The following LMLN variants were observed in gnomAD, a reference collection of about 807,000 sequenced individuals.
The protein encoded by LMLN is leishmanolysin-like peptidase.
A neutral mutation model predicts 92.3 loss-of-function variants in LMLN; 70 were observed. The observed-to-expected ratio is 0.76, with a 90% CI of 0.63 to 0.92. The LOEUF (loss-of-function observed/expected upper bound fraction) is 0.92. LMLN is among the 40% of genes least tolerant of loss of function. The probability of loss-of-function intolerance (pLI) is 0.00; values close to 1 mark genes in which losing one functional copy is unlikely to be tolerated. For synonymous variants in LMLN, 308 were observed against 296.2 expected (o/e 1.04, Z -0.41); for missense variants, 691 against 814.6 (o/e 0.85, Z 1.85).
chr3:198,013,276 G>C (rs1306498888), intron 11 of LMLN, among the ~76,000 whole-genome samples: 6 of 74,320 alleles, frequency 8.1e-5, no homozygotes, highest in East Asian at 3.0e-4. Flanking sequence ...TGACTTCTCT[G>C]TACCCTTCAG....
intron 3 of LMLN, among the ~76,000 whole-genome samples, chr3:197,975,706 G>A (rs776072195): frequency 6.6e-6 from 1 of 152,140 alleles, no homozygotes; most frequent in Non-Finnish European, 1.5e-5. Context: ...TTTGTTAAAG[G>A]TGTAGTATCG....
intron 14 of LMLN, among the ~76,000 whole-genome samples, chr3:198,026,656 T>A (rs1722940573): frequency 1.3e-5 from 2 of 152,234 alleles, no homozygotes; most frequent in African/African-American, 4.8e-5. Context: ...CTTTGTTCTT[T>A]GTCTACCCCT....
At chr3:198,040,142 T>G (rs1723359312) in exon 16 of LMLN, 1 of 152,234 alleles carries the variant, frequency 6.6e-6, no homozygotes, top group Admixed American at 6.5e-5. Flanking sequence ...TGAAAATGGT[T>G]TTATGTTTAA....
intron 1 of LMLN, among the ~76,000 whole-genome samples, chr3:197,963,271 A>C (rs1207566517): frequency 6.6e-6 from 1 of 150,624 alleles, no homozygotes; most frequent in East Asian, 1.9e-4. Context: ...TGGCAGAATC[A>C]TAGCTCACAG....
At chr3:197,985,819 A>G (rs762738280) in exon 8 of LMLN, 7 of 1,613,582 alleles carry the variant, frequency 4.3e-6, no homozygotes, top group Non-Finnish European at 4.2e-6. Flanking sequence ...GGCTGTTTGC[A>G]TTCTACCATG....
At chr3:198,000,288 T>G (rs1164213669) in intron 11 of LMLN, among the ~76,000 whole-genome samples, 1 of 152,342 alleles carries the variant, frequency 6.6e-6, no homozygotes, top group African/African-American at 2.4e-5. Flanking sequence ...TTACTCTTTC[T>G]AAGACAGTCT....
intron 3 of LMLN, 105 bp downstream of exon 3, chr3:197,975,177 G>T (rs1305789206): frequency 1.5e-6 from 1 of 650,012 alleles, no homozygotes; most frequent in African/African-American, 1.9e-5. Flanking sequence ...GTGACTGAAT[G>T]AAAGGTGTTG....
intron 10 of LMLN, among the ~76,000 whole-genome samples, chr3:197,998,185 A>C (rs1166210645): frequency 6.6e-6 from 1 of 152,234 alleles, no homozygotes; most frequent in Non-Finnish European, 1.5e-5. Context: ...AGATGGGAGG[A>C]CCAGCCTGGC....
At chr3:197,981,330 CCA>C (rs1721552518) in intron 6 of LMLN, among the ~76,000 whole-genome samples, 1 of 152,134 alleles carries the variant, frequency 6.6e-6, no homozygotes, top group South Asian at 2.1e-4. Flanking sequence ...TGTGATTACA[CCA>C]CTGCACTCCA....
At chr3:197,968,308 TAAAAA>T (rs1030995045) in intron 1 of LMLN, among the ~76,000 whole-genome samples, 2 of 143,638 alleles carry the variant, frequency 1.4e-5, no homozygotes, top group Non-Finnish European at 3.1e-5. Flanking sequence ...GTACTAAAAA[TAAAAA>T]AAAAAAATTA....
chr3:197,965,401 G>GT (rs975759329), intron 1 of LMLN, among the ~76,000 whole-genome samples: 33 of 151,280 alleles, frequency 2.2e-4, no homozygotes, highest in African/African-American at 4.6e-4. Flanking sequence ...ATATTCTATA[G>GT]TTTTTTTTTA....
chr3:197,978,274 A>G (rs928824131), intron 5 of LMLN, among the ~76,000 whole-genome samples: 3 of 152,230 alleles, frequency 2.0e-5, no homozygotes, highest in Admixed American at 2.0e-4. Flanking sequence ...CTTTTCTTTC[A>G]TAAGTTATGG....
At chr3:197,999,147 G>C in intron 10 of LMLN, 119 bp from the exon 11 acceptor site, 1 of 715,112 alleles carries the variant, frequency 1.4e-6, no homozygotes, top group Admixed American at 2.3e-5. Context: ...ACTTTTAAGT[G>C]AATGTCTTGT....
intron 10 of LMLN, among the ~76,000 whole-genome samples, chr3:197,997,906 A>G (rs751563481): frequency 2.6e-5 from 4 of 152,238 alleles, no homozygotes; most frequent in Non-Finnish European, 4.4e-5. Flanking sequence ...AGAAAATGTA[A>G]TGAGCAACTT....
intron 11 of LMLN, among the ~76,000 whole-genome samples, 183 bp downstream of exon 12, chr3:198,003,308 T>A (rs1722225225): frequency 6.6e-6 from 1 of 152,228 alleles, no homozygotes; most frequent in Non-Finnish European, 1.5e-5. Flanking sequence ...AAGTAGTTTT[T>A]AATCATATAC....
chr3:198,033,342 C>G (rs1049360979), intron 14 of LMLN, among the ~76,000 whole-genome samples: 2 of 151,966 alleles, frequency 1.3e-5, no homozygotes, highest in African/African-American at 4.8e-5. Context: ...ATAAAATAGT[C>G]TGGTACTGTT....
At chr3:198,022,906 C>T (rs900852897) in intron 13 of LMLN, among the ~76,000 whole-genome samples, 50 of 152,244 alleles carry the variant, frequency 3.3e-4, no homozygotes, top group Middle Eastern at 3.4e-3. Context: ...TATAACCACT[C>T]AGCAGTTCCA....
chr3:198,035,899 G>C, exon 15 of LMLN: 1 of 1,613,966 alleles, frequency 6.2e-7, no homozygotes, highest in South Asian at 1.1e-5. Flanking sequence ...TAGTCGGGCT[G>C]GGCAGGTCCT....
At chr3:197,971,368 A>G (rs1721219326) in intron 1 of LMLN, among the ~76,000 whole-genome samples, 1 of 152,186 alleles carries the variant, frequency 6.6e-6, no homozygotes, top group Non-Finnish European at 1.5e-5. Flanking sequence ...TAAAACCATC[A>G]GATCTTGTGA....
Sources: allele counts gnomAD v4.1 joint callset (sites outside exome capture counted in the v4.1 genomes callset), GRCh38; gene constraint gnomAD v4.1.1; transcripts MANE v1.5; gene names NCBI Gene and HGNC (gene_info 2026-07-23, HGNC 2026-07-21).